Variants in RPS6KC1 observed in about 807,000 individuals in gnomAD.
RPS6KC1 encodes the protein inactive ribosomal protein S6 kinase delta-1.
In RPS6KC1, 54 loss-of-function variants were observed where a neutral mutation model predicts 103.8. That is an observed-to-expected ratio of 0.52 (90% confidence interval 0.42 to 0.65). The LOEUF (loss-of-function observed/expected upper bound fraction) is 0.65. Ranked by LOEUF, RPS6KC1 falls within the 30% of genes least tolerant of loss-of-function variation. The pLI, the probability that RPS6KC1 is intolerant of heterozygous loss-of-function variation, is 0.00. For synonymous variants in RPS6KC1, 439 were observed against 438.7 expected (o/e 1.00, Z -0.01); for missense variants, 1,151 against 1,253.8 (o/e 0.92, Z 1.24).
chr1:213,207,675 T>G (rs748466113), intron 8 of RPS6KC1, among the ~76,000 whole-genome samples: 5 of 152,054 alleles, frequency 3.3e-5, no homozygotes, highest in Admixed American at 2.0e-4. Flanking sequence ...ATACCTTTTT[T>G]TTTGTTTGTT....
At chr1:213,238,778 A>G (rs1452345917) in intron 10 of RPS6KC1, among the ~76,000 whole-genome samples, 1 of 152,204 alleles carries the variant, frequency 6.6e-6, no homozygotes, top group Non-Finnish European at 1.5e-5. Context: ...CATCTGATTT[A>G]ACAAGCAGTG....
chr1:213,145,660 C>T (rs750056908), intron 6 of RPS6KC1, among the ~76,000 whole-genome samples: 3 of 151,976 alleles, frequency 2.0e-5, no homozygotes, highest in South Asian at 2.1e-4. Context: ...AGTAATAGTA[C>T]TGTGGAATAA....
chr1:213,685,693 A>G, the RPS6KC1 span, among the ~76,000 whole-genome samples: 3 of 152,248 alleles, frequency 2.0e-5, no homozygotes, highest in African/African-American at 7.2e-5. Flanking sequence ...TATTATGACT[A>G]TCAAATAAGG....
At chr1:213,508,413 C>T in the RPS6KC1 span, among the ~76,000 whole-genome samples, 20 of 152,124 alleles carry the variant, frequency 1.3e-4, no homozygotes, top group Non-Finnish European at 2.9e-5. Context: ...CATCTTGAAC[C>T]TTTATTAGCT....
At chr1:213,588,852 G>A in the RPS6KC1 span, among the ~76,000 whole-genome samples, 1 of 152,170 alleles carries the variant, frequency 6.6e-6, no homozygotes, top group Non-Finnish European at 1.5e-5. Context: ...ATCTCCACTA[G>A]CGCTCTCACT....
At chr1:213,480,781 G>A in the RPS6KC1 span, among the ~76,000 whole-genome samples, 2 of 152,006 alleles carry the variant, frequency 1.3e-5, no homozygotes, top group African/African-American at 2.4e-5. Flanking sequence ...TGGCAGATAG[G>A]TTCTTATCAG....
chr1:213,474,818 A>G, the RPS6KC1 span, among the ~76,000 whole-genome samples: 7 of 152,240 alleles, frequency 4.6e-5, no homozygotes, highest in East Asian at 1.2e-3. Flanking sequence ...AAAAATTCAA[A>G]TTAAAAAAAA....
chr1:213,266,330 G>GT (rs1199335961), intron 14 of RPS6KC1, among the ~76,000 whole-genome samples: 3 of 152,092 alleles, frequency 2.0e-5, no homozygotes, highest in Admixed American at 2.0e-4. Context: ...AGAAATAGAA[G>GT]TTTTGGTTAA....
chr1:213,267,437 A>G (rs1292090897), intron 14 of RPS6KC1, among the ~76,000 whole-genome samples: 1 of 152,048 alleles, frequency 6.6e-6, no homozygotes, highest in African/African-American at 2.4e-5. Context: ...TTCATGGGGA[A>G]AAAATCAGAC....
chr1:213,153,273 A>AGGGAGT (rs2089464419), intron 6 of RPS6KC1, among the ~76,000 whole-genome samples: 1 of 147,538 alleles, frequency 6.8e-6, no homozygotes, highest in African/African-American at 2.5e-5. Flanking sequence ...GGAGAGGGAG[A>AGGGAGT]GGCAAAGGCA....
chr1:213,753,845 TTTAACAC>T, the RPS6KC1 span, among the ~76,000 whole-genome samples: 15 of 152,326 alleles, frequency 9.8e-5, no homozygotes, highest in South Asian at 2.1e-4. Context: ...AATTGACAAC[TTTAACAC>T]TTACATCACA....
chr1:213,162,210 A>G (rs1292976084), intron 6 of RPS6KC1, among the ~76,000 whole-genome samples: 3 of 152,200 alleles, frequency 2.0e-5, no homozygotes, highest in Non-Finnish European at 2.9e-5. Context: ...AGGGACTGCT[A>G]TCATTATTAT....
the RPS6KC1 span, among the ~76,000 whole-genome samples, chr1:213,795,719 C>T: frequency 6.6e-6 from 1 of 152,148 alleles, no homozygotes; most frequent in Admixed American, 6.6e-5. Context: ...ACATCTCCCC[C>T]AAACGTCCAC....
the RPS6KC1 span, among the ~76,000 whole-genome samples, chr1:213,437,260 G>T: frequency 1.3e-5 from 2 of 152,100 alleles, no homozygotes; most frequent in Admixed American, 1.3e-4. Context: ...TGCATCTATT[G>T]AAATGGTTAT....
chr1:213,377,693 A>G, the RPS6KC1 span, among the ~76,000 whole-genome samples: 4 of 152,146 alleles, frequency 2.6e-5, no homozygotes, highest in African/African-American at 9.7e-5. Context: ...TTGTTTTGGA[A>G]ACTGCTAAAA....
At chr1:213,350,939 G>A in the RPS6KC1 span, among the ~76,000 whole-genome samples, 1 of 152,040 alleles carries the variant, frequency 6.6e-6, no homozygotes, top group East Asian at 1.9e-4. Flanking sequence ...ATATGATTGG[G>A]TATATGTTTT....
intron 6 of RPS6KC1, among the ~76,000 whole-genome samples, chr1:213,136,315 C>T (rs1572751998): frequency 6.6e-6 from 1 of 152,180 alleles, no homozygotes; most frequent in South Asian, 2.1e-4. Flanking sequence ...GCTTTCACCT[C>T]TGTCTTTGTA....
At chr1:213,753,203 G>A in the RPS6KC1 span, among the ~76,000 whole-genome samples, 1 of 152,172 alleles carries the variant, frequency 6.6e-6, no homozygotes, top group Admixed American at 6.5e-5. Context: ...CAGAATTCAG[G>A]GTTGGCCTGG....
At chr1:213,264,341 A>G (rs137904942) in intron 14 of RPS6KC1, among the ~76,000 whole-genome samples, 2 of 152,224 alleles carry the variant, frequency 1.3e-5, no homozygotes, top group African/African-American at 4.8e-5. Flanking sequence ...TCTAATGGAG[A>G]AAAAAAGAAC....
Sources: allele counts gnomAD v4.1 joint callset (sites outside exome capture counted in the v4.1 genomes callset), GRCh38; gene constraint gnomAD v4.1.1; transcripts MANE v1.5; gene names NCBI Gene and HGNC (gene_info 2026-07-23, HGNC 2026-07-21).